Variants in NOL9 observed in about 807,000 individuals in gnomAD.
The protein encoded by NOL9 is nucleolar protein 9.
A neutral mutation model predicts 67.9 loss-of-function variants in NOL9; 28 were observed. The observed-to-expected ratio is 0.41, with a 90% CI of 0.31 to 0.57. NOL9 has a LOEUF of 0.57. Ranked by LOEUF, NOL9 falls within the 20% of genes least tolerant of loss-of-function variation. NOL9 has a pLI of 0.25. For missense variants in NOL9, 777 were observed against 897.0 expected (o/e 0.87, Z 1.71); for synonymous variants, 356 against 352.2 (o/e 1.01, Z -0.12).
At chr1:6,537,728 G>A (rs929527992) in intron 6 of NOL9, among the ~76,000 whole-genome samples, 15 of 152,070 alleles carry the variant, frequency 9.9e-5, no homozygotes, top group Non-Finnish European at 2.2e-4. Context: ...ACAAATGGTG[G>A]TGGAAAATCT....
intron 3 of NOL9, chr1:6,549,311 G>A: frequency 3.1e-6 from 1 of 319,790 alleles, no homozygotes; most frequent in Non-Finnish European, 5.9e-6. Flanking sequence ...GCTGGAGCAT[G>A]GTGTTAATAA....
In NOL9 at chr1:6,541,930, G is replaced by A. The variant is rs753039931; in HGVS notation, c.978-3C>T. 1.3e-6 allele frequency: 2 copies of A among 1,567,516 alleles called. No individual in the cohort carries two copies. Among genetic ancestry groups the A allele is most frequent in the Non-Finnish European group, 1.7e-6 (2 of 1,157,928 alleles). On this transcript the variant is annotated splice_polypyrimidine_tract_variant and splice_region_variant and intron_variant, in intron 5 of 11. Coordinates refer to ENST00000377705, the MANE Select transcript of NOL9 (RefSeq NM_024654.5). Reference sequence around the variant, plus strand: ...CCAAATAGTCAACGCAGGGAAGACTGCAAATTTTTAAAAAAGAAAAAAGAA... The same window carrying A: ...CCAAATAGTCAACGCAGGGAAGACTACAAATTTTTAAAAAAGAAAAAAGAA...
In NOL9 at chr1:6,545,159, G is replaced by A. The variant is rs1418307411; in HGVS notation, c.766C>T (p.Pro256Ser). 1 of 1,613,078 alleles carries A rather than the reference G, an allele frequency of 6.2e-7. No individual in the cohort carries two copies. Among genetic ancestry groups the A allele is most frequent in the East Asian group, 2.2e-5 (1 of 44,876 alleles). ...VQESPTPQIK[P>S]EYLALRSVGI... is the part of the protein sequence containing the mutation. ...ACAGACCTCAAGGCTAAATATTCAG[G>A]TTTAATCTGGGGAGTTGGACTCTGA... Residue 256 changes from proline to serine, a missense_variant, in exon 4 of 12, where the codon CCT (proline) becomes TCT (serine). Pro to Ser is a moderately conservative substitution (Grantham distance 74). Transcript: ENST00000377705.
Position 6,525,779 on chromosome 1 carries a change from T to A in NOL9, c.*75A>T. ...CACCATTCATGGCCATGAAACTCCA[T>A]CATGTCTCTTGTGGTCAGGCTTGAG... On this transcript the variant is annotated 3_prime_UTR_variant, in exon 12 of 12. Coordinates refer to ENST00000377705, the MANE Select transcript of NOL9 (RefSeq NM_024654.5). 1 of 1,502,508 alleles carries A rather than the reference T, an allele frequency of 6.7e-7. No individual in the cohort carries two copies. 93.1% of individuals were successfully genotyped at this position (1,502,508 alleles called of 1,614,324 possible). A position where few individuals can be genotyped will look rare whatever the true frequency, so the allele number is the denominator to read the frequency against.
At position 6,526,775 on chromosome 1, in the gene NOL9, A is replaced by G; in HGVS notation, c.1880T>C (p.Val627Ala). The G allele has an allele frequency of 1.2e-6, 2 of 1,613,966 alleles. No individual in the cohort carries two copies. Among genetic ancestry groups the G allele is most frequent in the South Asian group, 2.2e-5 (2 of 91,056 alleles). ...CACGGTCCTTAGCTCTTCCGGGGGC[A>G]CAGGGGTGAGGATGTGGTACAGCCG... is the stretch of plus-strand genomic sequence containing the variant. ...EKRLYHILTP[V>A]PPEELRTVNC... Residue 627 changes from valine (V) to alanine (A), a missense_variant, in exon 11 of 12, where the codon GTG (valine) becomes GCG (alanine). Val to Ala is a moderately conservative substitution (Grantham distance 64). Transcript: ENST00000377705.
At chr1:6,547,339 A>C (rs1639440855) in intron 3 of NOL9, among the ~76,000 whole-genome samples, 1 of 152,114 alleles carries the variant, frequency 6.6e-6, no homozygotes, top group Non-Finnish European at 1.5e-5. Flanking sequence ...CTCCTCCTGC[A>C]GTGACCCCAT....
chr1:6,533,223 AC>A (rs1363612211), intron 7 of NOL9, 56 bp downstream of exon 7: 1 of 1,486,906 alleles, frequency 6.7e-7, no homozygotes, highest in Non-Finnish European at 9.0e-7. Context: ...AATGTCTGAA[AC>A]CAACAGTACT....
At chr1:6,548,954 C>T (rs111465153) in intron 3 of NOL9, among the ~76,000 whole-genome samples, 26,762 of 151,938 alleles carry the variant, frequency 0.18, 2,800 homozygotes, top group African/African-American at 0.29. Context: ...TGGTGGCATG[C>T]ACCTGTGGTC....
In NOL9 at chr1:6,525,479, C is replaced by T. The variant is rs1064835; in HGVS notation, c.*375G>A. The T allele has an allele frequency of 0.8, 169,238 of 212,690 alleles. 69,437 individuals are homozygous for T. The highest frequency in any genetic ancestry group is 0.87 in the Non-Finnish European group (92,262 of 105,624). The allele number at this position is 212,690 out of a possible 1,614,324, so 13.2% of individuals were successfully genotyped here. ...CCATTATGCTTGAGATCCTGCAGGT[C>T]GGCCTTCTTCCTTCCTTCTCGGTAC... On this transcript the variant is annotated 3_prime_UTR_variant, in exon 12 of 12. Coordinates refer to ENST00000377705, the MANE Select transcript of NOL9 (RefSeq NM_024654.5).
intron 6 of NOL9, among the ~76,000 whole-genome samples, chr1:6,538,704 T>C (rs1317141086): frequency 6.6e-6 from 1 of 151,010 alleles, no homozygotes; most frequent in Non-Finnish European, 1.5e-5. Context: ...ACAAGCAGGC[T>C]GGGTGTGGTG....
intron 6 of NOL9, among the ~76,000 whole-genome samples, chr1:6,536,136 G>A (rs1639150420): frequency 2.0e-5 from 3 of 151,848 alleles, no homozygotes; most frequent in Non-Finnish European, 2.9e-5. Flanking sequence ...CACCAGGTCA[G>A]GAGATCGAGA....
In NOL9 at chr1:6,522,700, A is replaced by ATG. The variant is rs1638797278; in HGVS notation, c.*3152_*3153dup. On this transcript the variant is annotated 3_prime_UTR_variant, in exon 12 of 12. Coordinates refer to ENST00000377705, the MANE Select transcript of NOL9 (RefSeq NM_024654.5). ...GGAGTTCGAGACCAGCCTGACCAACATGGTGAAACCCTGTCTCTACTAAAA... is the reference window on the plus strand; with the variant it reads ...GGAGTTCGAGACCAGCCTGACCAACATGTGGTGAAACCCTGTCTCTACTAAAA... 2 of 151,428 alleles carry ATG rather than the reference A, an allele frequency of 1.3e-5. No homozygotes were observed. Among genetic ancestry groups the ATG allele is most frequent in the African/African-American group, 4.9e-5 (2 of 41,094 alleles). The allele number at this position is 151,428 out of a possible 1,614,324, so 9.4% of individuals were successfully genotyped here.
At chr1:6,542,638 T>C (rs1444754601) in intron 5 of NOL9, among the ~76,000 whole-genome samples, 2 of 151,688 alleles carry the variant, frequency 1.3e-5, no homozygotes. Context: ...TTTCTATTTT[T>C]AGTAGAGACG....
chr1:6,538,537 T>C (rs1177715279), intron 6 of NOL9, among the ~76,000 whole-genome samples: 1 of 151,310 alleles, frequency 6.6e-6, no homozygotes, highest in African/African-American at 2.4e-5. Context: ...CTGGGCATGG[T>C]GGCGGGCATC....
intron 1 of NOL9, among the ~76,000 whole-genome samples, chr1:6,550,972 C>T (rs995668180): frequency 1.1e-4 from 16 of 152,130 alleles, no homozygotes; most frequent in East Asian, 9.7e-4. Flanking sequence ...CGTGCGCCAC[C>T]GCACCTGGCC....
chr1:6,543,381 G>C (rs1425908178), intron 5 of NOL9, among the ~76,000 whole-genome samples: 2 of 152,106 alleles, frequency 1.3e-5, no homozygotes, highest in Non-Finnish European at 2.9e-5. Flanking sequence ...ATTTTTAGTA[G>C]AGACGGGGTT....
intron 9 of NOL9, among the ~76,000 whole-genome samples, chr1:6,531,352 T>G (rs918957469): frequency 2.6e-5 from 4 of 152,126 alleles, no homozygotes; most frequent in Non-Finnish European, 4.4e-5. Flanking sequence ...TAGCTGGGAC[T>G]ATAGGCACGT....
chr1:6,541,532 A>G (rs903957281), intron 6 of NOL9, among the ~76,000 whole-genome samples: 1 of 152,212 alleles, frequency 6.6e-6, no homozygotes, highest in Non-Finnish European at 1.5e-5. Context: ...ATAGTTGTAC[A>G]TAAGATGTTG....
At position 6,549,629 on chromosome 1, in the gene NOL9, G is replaced by A. The variant is rs1639497718; in HGVS notation, c.686C>T (p.Thr229Ile). 4.3e-6 allele frequency: 7 copies of A among 1,614,164 alleles called. No individual in the cohort carries two copies. Among genetic ancestry groups the A allele is most frequent in the Non-Finnish European group, 5.9e-6 (7 of 1,180,004 alleles). The change falls in exon 3 of 12, where the codon ACT becomes ATT. Residue 229 changes from threonine to isoleucine, a missense_variant. Around this residue, in one of 2 missense-constraint regions of NOL9, gnomAD observed 364 missense variants for 344.4 expected, o/e 1.06. Transcript: ENST00000377705. ...CSIVLLEHLKTATVNFITSYP... is the reference protein window; with the variant it reads ...CSIVLLEHLKIATVNFITSYP... ...GCTGGTTATGAAGTTTACAGTGGCA[G>A]TTTTCAGATGTTCTAGCAACACAAT...
Sources: gnomAD v4.1 joint callset for allele counts (sites outside exome capture counted in the v4.1 genomes callset) on GRCh38, gnomAD v4.1.1 for gene constraint, gnomAD v4.1.1 regional missense constraint, MANE v1.5 for transcripts, NCBI Gene and HGNC (gene_info 2026-07-23, HGNC 2026-07-21) for gene names.